TECPR2: variants seen among roughly 807,000 people sequenced by gnomAD.
The protein encoded by TECPR2 is tectonin beta-propeller repeat containing 2, also known as tectonin beta-propeller repeat-containing protein 2.
Under a neutral mutation model 138.1 loss-of-function variants are expected in TECPR2, and 65 were observed. The observed-to-expected ratio is 0.47, with a 90% CI of 0.39 to 0.58. TECPR2 has a LOEUF of 0.58. Among genes scored for constraint, TECPR2 ranks in the 20% least tolerant of loss-of-function variants. TECPR2 has a pLI of 0.00. For missense variants in TECPR2, 1,553 were observed against 1,824.5 expected (o/e 0.85, Z 2.71); for synonymous variants, 746 against 749.8 (o/e 0.99, Z 0.08).
chr14:102,421,471 G>A (rs1889179266), intron 5 of TECPR2, among the ~76,000 whole-genome samples: 1 of 152,218 alleles, frequency 6.6e-6, no homozygotes, highest in Non-Finnish European at 1.5e-5. Flanking sequence ...GAGGGACCTA[G>A]TGAGATTCTG....
At chr14:102,445,747 G>A in intron 12 of TECPR2, 59 bp from the exon 13 acceptor site, 1 of 1,565,700 alleles carries the variant, frequency 6.4e-7, no homozygotes, top group Non-Finnish European at 8.7e-7. Flanking sequence ...CCGCAGTCCA[G>A]ACACACTGGG....
At chr14:102,441,367 G>T (rs1275011323) in intron 11 of TECPR2, among the ~76,000 whole-genome samples, 1 of 149,788 alleles carries the variant, frequency 6.7e-6, no homozygotes, top group Non-Finnish European at 1.5e-5. Context: ...ACCACACCAG[G>T]CCATAATTTG....
At chr14:102,404,928 T>G (rs1888614993) in intron 2 of TECPR2, among the ~76,000 whole-genome samples, 1 of 152,034 alleles carries the variant, frequency 6.6e-6, no homozygotes, top group African/African-American at 2.4e-5. Flanking sequence ...GAAAGGACAG[T>G]CTTTTCAACA....
intron 17 of TECPR2, among the ~76,000 whole-genome samples, chr14:102,469,280 T>C (rs1377589690): frequency 1.3e-5 from 2 of 152,228 alleles, no homozygotes; most frequent in Non-Finnish European, 2.9e-5. Flanking sequence ...TTTCAGAGTA[T>C]ATGTTTTATA....
chr14:102,463,246 GTC>G (rs1890452738), intron 16 of TECPR2, among the ~76,000 whole-genome samples: 1 of 151,436 alleles, frequency 6.6e-6, no homozygotes, highest in East Asian at 1.9e-4. Context: ...GCAAAACCCT[GTC>G]TCTACTAAAA....
chr14:102,440,499 T>C lies in TECPR2; in HGVS notation c.2642T>C (p.Ile881Thr), dbSNP rs376304220. ...NRAFACGKVTIKGKRHWYEAL... is the reference protein window; with the variant it reads ...NRAFACGKVTTKGKRHWYEAL... ...GCTTTTGCTTGTGGGAAAGTCACCA[T>C]CAAGGGGAAGCGGCACTGGTACGAA... Residue 881 changes from isoleucine to threonine, a missense_variant, in exon 11 of 20, where the codon ATC becomes ACC. Ile to Thr is a moderately conservative substitution (Grantham distance 89, BLOSUM62 -1). Transcript: ENST00000359520. The C allele has an allele frequency of 6.2e-6, 10 of 1,614,102 alleles. No homozygotes were observed. In the African/African-American group the frequency reaches 1.2e-4, roughly 19 times the overall value.
intron 13 of TECPR2, among the ~76,000 whole-genome samples, chr14:102,447,947 G>T (rs1399401800): frequency 6.6e-6 from 1 of 152,132 alleles, no homozygotes; most frequent in Non-Finnish European, 1.5e-5. Flanking sequence ...TTTCAGATGA[G>T]AATGTAGAAA....
At chr14:102,406,744 C>G (rs1888669350) in intron 2 of TECPR2, among the ~76,000 whole-genome samples, 1 of 152,182 alleles carries the variant, frequency 6.6e-6, no homozygotes, top group African/African-American at 2.4e-5. Context: ...GTCCCAGCTA[C>G]TTGGGAGGCT....
intron 10 of TECPR2, among the ~76,000 whole-genome samples, chr14:102,439,038 A>G (rs969370087): frequency 6.6e-6 from 1 of 150,612 alleles, no homozygotes; most frequent in African/African-American, 2.4e-5. Context: ...ATTTTTTTGT[A>G]TTTTTTTAGT....
At chr14:102,425,631 A>C (rs574345624) in intron 6 of TECPR2, among the ~76,000 whole-genome samples, 1 of 152,252 alleles carries the variant, frequency 6.6e-6, no homozygotes, top group East Asian at 1.9e-4. Context: ...GCTGGAGTGC[A>C]GTGGCATGAT....
At chr14:102,487,777 G>A (rs1257664854) in intron 17 of TECPR2, among the ~76,000 whole-genome samples, 2 of 151,094 alleles carry the variant, frequency 1.3e-5, no homozygotes, top group Admixed American at 1.3e-4. Context: ...TCCTGACCTC[G>A]TGATCCGCCC....
At chr14:102,459,044 G>T (rs1890343823) in intron 16 of TECPR2, among the ~76,000 whole-genome samples, 1 of 151,518 alleles carries the variant, frequency 6.6e-6, no homozygotes, top group African/African-American at 2.4e-5. Flanking sequence ...CACGGAGTGT[G>T]TAGGGACTTT....
rs1249848212 is a variant in TECPR2 at position 102,499,448 on chromosome 14, G to T, written c.*1191G>T. On this transcript the variant is annotated 3_prime_UTR_variant, in exon 20 of 20. Coordinates refer to ENST00000359520, the MANE Select transcript of TECPR2 (RefSeq NM_014844.5). ...TCCTTCCCGGGTTTGTCCTGAGCCTGCACTGTCCTCGCCTGCAGCCTCAGA... is the reference window on the plus strand; with the variant it reads ...TCCTTCCCGGGTTTGTCCTGAGCCTTCACTGTCCTCGCCTGCAGCCTCAGA... 2 of 558,200 alleles carry T rather than the reference G, an allele frequency of 3.6e-6. No individual in the cohort carries two copies. The highest frequency in any genetic ancestry group is 6.0e-5 in the East Asian group (2 of 33,082). The allele number at this position is 558,200 out of a possible 1,614,324, so 34.6% of individuals were successfully genotyped here.
At chr14:102,437,344 C>T (rs1295687000) in intron 9 of TECPR2, among the ~76,000 whole-genome samples, 2 of 152,168 alleles carry the variant, frequency 1.3e-5, no homozygotes, top group African/African-American at 4.8e-5. Context: ...GTCAGGAGTT[C>T]GAGACCAGCC....
At chr14:102,363,926 T>G (rs1887269441) in intron 1 of TECPR2, among the ~76,000 whole-genome samples, 1 of 152,270 alleles carries the variant, frequency 6.6e-6, no homozygotes, top group Non-Finnish European at 1.5e-5. Context: ...TAGTCCCTTC[T>G]GATATGTCTC....
chr14:102,378,273 A>G (rs1887694405), intron 2 of TECPR2, among the ~76,000 whole-genome samples: 1 of 152,324 alleles, frequency 6.6e-6, no homozygotes, highest in Admixed American at 6.5e-5. Flanking sequence ...AATATATTAA[A>G]GTTTTCATTT....
intron 2 of TECPR2, among the ~76,000 whole-genome samples, chr14:102,384,455 G>C (rs893736538): frequency 1.3e-5 from 2 of 151,326 alleles, no homozygotes; most frequent in Non-Finnish European, 2.9e-5. Flanking sequence ...AAGACAGGCG[G>C]ATCACGAGGT....
chr14:102,492,872 C>T (rs1158518498), intron 17 of TECPR2, among the ~76,000 whole-genome samples: 3 of 152,186 alleles, frequency 2.0e-5, no homozygotes, highest in Non-Finnish European at 2.9e-5. Flanking sequence ...TGTTAATGGG[C>T]GGAGGCTCAC....
chr14:102,383,813 A>G (rs1282135062), intron 2 of TECPR2, among the ~76,000 whole-genome samples: 1 of 152,196 alleles, frequency 6.6e-6, no homozygotes, highest in African/African-American at 2.4e-5. Flanking sequence ...GAATGAAACT[A>G]CAAATTACAT....
Sources: allele counts gnomAD v4.1 joint callset (sites outside exome capture counted in the v4.1 genomes callset), GRCh38; gene constraint gnomAD v4.1.1; transcripts MANE v1.5; gene names NCBI Gene and HGNC (gene_info 2026-07-23, HGNC 2026-07-21).